The following SNX9 variants were observed in gnomAD, a reference collection of about 807,000 sequenced individuals.
SNX9 encodes the protein sorting nexin 9.
SNX9 carries 44 observed loss-of-function variants against 89.4 expected under a neutral mutation model. The observed-to-expected ratio is 0.49, with a 90% CI of 0.39 to 0.63. SNX9 has a LOEUF of 0.63. SNX9 is among the 30% of genes least tolerant of loss of function. SNX9 has a pLI of 0.00. For synonymous variants in SNX9, 236 were observed against 247.8 expected (o/e 0.95, Z 0.45); for missense variants, 578 against 736.1 (o/e 0.79, Z 2.49).
At chr6:157,898,917 G>C (rs901924380) in intron 5 of SNX9, among the ~76,000 whole-genome samples, 1 of 152,126 alleles carries the variant, frequency 6.6e-6, no homozygotes, top group Non-Finnish European at 1.5e-5. Flanking sequence ...AGACTCCTGG[G>C]GTCTGGCTCT....
chr6:157,940,785 G>T (rs988857561), intron 16 of SNX9, 98 bp from the exon 17 acceptor site: 51 of 1,046,474 alleles, frequency 4.9e-5, no homozygotes, highest in Non-Finnish European at 7.0e-5. Context: ...AACCAGATTA[G>T]GTCAGGTTGA....
intron 1 of SNX9, among the ~76,000 whole-genome samples, chr6:157,845,198 TC>T: frequency 6.8e-6 from 1 of 147,558 alleles, no homozygotes; most frequent in East Asian, 2.1e-4. Context: ...AACCTCCACC[TC>T]CTGGGTAGAA....
chr6:157,912,902 T>G (rs117719757), intron 9 of SNX9, among the ~76,000 whole-genome samples: 2,398 of 152,332 alleles, frequency 0.016, 24 homozygotes, highest in Non-Finnish European at 0.023. Context: ...TATTTGCAAC[T>G]TGGTCTGAAA....
At chr6:157,917,048 G>T (rs1196508914) in intron 9 of SNX9, among the ~76,000 whole-genome samples, 1 of 152,140 alleles carries the variant, frequency 6.6e-6, no homozygotes, top group Admixed American at 6.5e-5. Context: ...GTTCTTTGTG[G>T]GGAGGCTTTA....
intron 15 of SNX9, among the ~76,000 whole-genome samples, chr6:157,938,059 C>T (rs147342038): frequency 7.9e-5 from 12 of 152,322 alleles, no homozygotes; most frequent in African/African-American, 2.9e-4. Flanking sequence ...GTTGTTCCTT[C>T]CAGACAGCGG....
intron 5 of SNX9, among the ~76,000 whole-genome samples, chr6:157,899,936 G>GGT (rs1325473298): frequency 1.3e-5 from 2 of 151,204 alleles, no homozygotes; most frequent in Non-Finnish European, 1.5e-5. Context: ...CGTGCCTGTG[G>GGT]GTGTGTGTGT....
chr6:157,831,450 C>T (rs1457461031), intron 1 of SNX9, among the ~76,000 whole-genome samples: 2 of 152,184 alleles, frequency 1.3e-5, no homozygotes, highest in Non-Finnish European at 2.9e-5. Flanking sequence ...TTTCCTCATC[C>T]CCACTACTCT....
At chr6:157,919,327 C>T (rs1299787875) in intron 9 of SNX9, among the ~76,000 whole-genome samples, 1 of 152,166 alleles carries the variant, frequency 6.6e-6, no homozygotes, top group Non-Finnish European at 1.5e-5. Flanking sequence ...TCTCTTCTTC[C>T]TCTGGGATTC....
chr6:157,916,217 G>C (rs905203639), intron 9 of SNX9, among the ~76,000 whole-genome samples: 1 of 152,008 alleles, frequency 6.6e-6, no homozygotes, highest in Non-Finnish European at 1.5e-5. Context: ...TATATTTTTA[G>C]TAGAGATGGG....
intron 6 of SNX9, among the ~76,000 whole-genome samples, chr6:157,904,139 T>C (rs1363217047): frequency 6.6e-6 from 1 of 152,144 alleles, no homozygotes; most frequent in Admixed American, 6.5e-5. Context: ...TTGAGCACTA[T>C]AAGAATTCAC....
intron 4 of SNX9, among the ~76,000 whole-genome samples, chr6:157,886,864 G>GT (rs376582857): frequency 1.9e-4 from 28 of 147,956 alleles, no homozygotes; most frequent in Non-Finnish European, 2.6e-4. Flanking sequence ...AATGTGTTTT[G>GT]TTTTTTTTTT....
chr6:157,921,431 C>A, intron 9 of SNX9, 100 bp from the exon 10 acceptor site: 1 of 1,233,962 alleles, frequency 8.1e-7, no homozygotes, highest in Non-Finnish European at 1.1e-6. Flanking sequence ...GCTTTCTACC[C>A]AATAGCCAGT....
At chr6:157,897,191 C>CATG (rs35093469) in intron 5 of SNX9, among the ~76,000 whole-genome samples, 193 bp downstream of exon 5, 34,954 of 152,102 alleles carry the variant, frequency 0.23, 4,160 homozygotes, top group African/African-American at 0.27. Context: ...GTCCTACAGT[C>CATG]ATGACACTGT....
chr6:157,876,224 G>A (rs2115143463), intron 4 of SNX9, among the ~76,000 whole-genome samples: 1 of 152,278 alleles, frequency 6.6e-6, no homozygotes, highest in East Asian at 1.9e-4. Context: ...GGCCGAGGCG[G>A]GCGGATCACC....
intron 1 of SNX9, among the ~76,000 whole-genome samples, chr6:157,851,269 A>C (rs1334775926): frequency 1.4e-5 from 2 of 138,494 alleles, no homozygotes; most frequent in African/African-American, 3.2e-5. Context: ...AAAAAAAAAA[A>C]CCCTAAAATA....
intron 9 of SNX9, among the ~76,000 whole-genome samples, chr6:157,917,575 G>A (rs1299891224): frequency 1.3e-5 from 2 of 151,982 alleles, no homozygotes; most frequent in African/African-American, 4.8e-5. Context: ...CTATATCTCA[G>A]TATCTATGGG....
rs181705087 is a variant in SNX9, at chr6:157,826,945, A to C, written c.12+3499A>C. ...TATTATAGTTTATATAATATATAAA[A>C]TATATTATAGTTTATATAATATATA... On this transcript the variant is annotated intron_variant, in intron 1 of 17. Transcript: ENST00000392185. Among the ~76,000 whole-genome samples, 83 of 45,136 alleles carry C rather than the reference A, an allele frequency of 1.8e-3. 3 individuals carry two copies. The highest frequency in any genetic ancestry group is 8.4e-3 in the African/African-American group (52 of 6,196). 29.6% of individuals were successfully genotyped at this position (45,136 alleles called of 152,430 possible).
chr6:157,855,519 A>G (rs940925148), intron 1 of SNX9, among the ~76,000 whole-genome samples: 7 of 152,226 alleles, frequency 4.6e-5, no homozygotes, highest in Non-Finnish European at 7.3e-5. Flanking sequence ...TTATGCCCTT[A>G]CCAGCATGGT....
rs556814220 is a variant in SNX9 at position 157,859,841 on chromosome 6, A to G, written c.13-7706A>G. Among the ~76,000 whole-genome samples the G allele has an allele frequency of 4.6e-5, 7 of 152,322 alleles. No individual in the cohort carries two copies. In the South Asian group the frequency reaches 1.4e-3, roughly 32 times the overall value. On this transcript the variant is annotated intron_variant, in intron 1 of 17. Transcript: ENST00000392185. Reference sequence around the variant, plus strand: ...TATCAGAAGATTAACACTTTGTGATATGAATTGAAAATACTCTTTCCTTTA... The same window carrying G: ...TATCAGAAGATTAACACTTTGTGATGTGAATTGAAAATACTCTTTCCTTTA...
Sources: gnomAD v4.1 joint callset for allele counts (sites outside exome capture counted in the v4.1 genomes callset) on GRCh38, gnomAD v4.1.1 for gene constraint, MANE v1.5 for transcripts, NCBI Gene and HGNC (gene_info 2026-07-23, HGNC 2026-07-21) for gene names.